Variants in KSR2 observed in about 807,000 individuals in gnomAD.
The protein encoded by KSR2 is kinase suppressor of ras 2.
A neutral mutation model predicts 107.8 loss-of-function variants in KSR2; 25 were observed. The observed-to-expected ratio is 0.23, with a 90% CI of 0.17 to 0.32. The LOEUF (loss-of-function observed/expected upper bound fraction) is 0.32, where lower values mean the gene tolerates loss of function less well. KSR2 is among the 10% of genes least tolerant of loss of function. The pLI is 1.00. For synonymous variants in KSR2, 480 were observed against 507.0 expected (o/e 0.95, Z 0.71); for missense variants, 887 against 1,268.9 (o/e 0.70, Z 4.57).
At chr12:117,949,595 A>G (rs1385911225) in intron 1 of KSR2, among the ~76,000 whole-genome samples, 1 of 152,222 alleles carries the variant, frequency 6.6e-6, no homozygotes, top group Non-Finnish European at 1.5e-5. Context: ...CAGTAGTTAC[A>G]CAAATGTATA....
chr12:117,505,081 T>C (rs1262874117), intron 14 of KSR2, among the ~76,000 whole-genome samples: 2 of 152,190 alleles, frequency 1.3e-5, no homozygotes, highest in Non-Finnish European at 2.9e-5. Flanking sequence ...AAAGACATGA[T>C]TTAGTTCATT....
At chr12:117,665,278 CA>C (rs1474756776) in intron 5 of KSR2, among the ~76,000 whole-genome samples, 1 of 152,134 alleles carries the variant, frequency 6.6e-6, no homozygotes, top group Non-Finnish European at 1.5e-5. Context: ...AGGGCGGGAA[CA>C]AAAAGTTAGA....
intron 4 of KSR2, among the ~76,000 whole-genome samples, chr12:117,688,570 T>G (rs1470450543): frequency 6.6e-6 from 1 of 152,208 alleles, no homozygotes; most frequent in Non-Finnish European, 1.5e-5. Flanking sequence ...AGTGTCCAAT[T>G]GGCAGGTTTG....
At chr12:117,895,455 C>T (rs570168163) in intron 1 of KSR2, among the ~76,000 whole-genome samples, 10 of 152,180 alleles carry the variant, frequency 6.6e-5, no homozygotes, top group African/African-American at 2.4e-4. Flanking sequence ...AATAATAAAA[C>T]CAATTCTCAG....
In KSR2 at chr12:117,464,673, C is replaced by T. The variant is rs753079294; in HGVS notation, c.*2526G>A. On this transcript the variant is annotated 3_prime_UTR_variant, in exon 20 of 20. Coordinates refer to ENST00000339824, the MANE Select transcript of KSR2 (RefSeq NM_173598.6). ...ACAGGGTAGGGGCGTCAGGAAGGCA[C>T]TGAAGGCCAGGATCCTGGCCTGGCT... 1 of 152,284 alleles carries T rather than the reference C, an allele frequency of 6.6e-6. No individual in the cohort carries two copies. The highest frequency in any genetic ancestry group is 6.5e-5 in the Admixed American group (1 of 15,282). 9.4% of individuals were successfully genotyped at this position (152,284 alleles called of 1,614,324 possible). A position where few individuals can be genotyped will look rare whatever the true frequency, so the allele number is the denominator to read the frequency against.
At chr12:117,546,155 A>G (rs904353614) in intron 9 of KSR2, among the ~76,000 whole-genome samples, 17 of 152,156 alleles carry the variant, frequency 1.1e-4, no homozygotes, top group Non-Finnish European at 2.2e-4. Flanking sequence ...GCGTAGGTGT[A>G]CTTATGGCAA....
intron 4 of KSR2, among the ~76,000 whole-genome samples, chr12:117,701,543 A>G (rs534549475): frequency 6.6e-6 from 1 of 152,290 alleles, no homozygotes; most frequent in Non-Finnish European, 1.5e-5. Flanking sequence ...AAGAAAAAAA[A>G]GGCTACTGGG....
intron 9 of KSR2, among the ~76,000 whole-genome samples, chr12:117,545,245 A>C (rs1459755314): frequency 6.6e-6 from 1 of 152,170 alleles, no homozygotes; most frequent in African/African-American, 2.4e-5. Flanking sequence ...TATATTAATG[A>C]AGAATATTAG....
At chr12:117,673,560 T>C (rs1164404122) in intron 4 of KSR2, among the ~76,000 whole-genome samples, 2 of 152,032 alleles carry the variant, frequency 1.3e-5, no homozygotes, top group Admixed American at 6.5e-5. Context: ...AGAGAATACA[T>C]GGCTATTTGA....
intron 5 of KSR2, among the ~76,000 whole-genome samples, chr12:117,594,193 AG>A (rs1357983914): frequency 6.6e-6 from 1 of 152,168 alleles, no homozygotes; most frequent in Non-Finnish European, 1.5e-5. Context: ...CACAGAACAA[AG>A]GGCTGCTGAG....
intron 3 of KSR2, among the ~76,000 whole-genome samples, chr12:117,829,605 A>C (rs1891881435): frequency 6.6e-6 from 1 of 152,228 alleles, no homozygotes; most frequent in Non-Finnish European, 1.5e-5. Context: ...GATGAAAAAC[A>C]ACAGAGGGCT....
chr12:117,884,858 G>A (rs1894126197), intron 1 of KSR2, among the ~76,000 whole-genome samples: 1 of 152,050 alleles, frequency 6.6e-6, no homozygotes, highest in Non-Finnish European at 1.5e-5. Context: ...TCTACCATCT[G>A]CTCCGTTCCT....
At chr12:117,559,053 T>TGGAC (rs1877927468) in intron 7 of KSR2, among the ~76,000 whole-genome samples, 4 of 150,358 alleles carry the variant, frequency 2.7e-5, no homozygotes, top group Non-Finnish European at 4.4e-5. Flanking sequence ...GATGGATGGA[T>TGGAC]GGATGGATGG....
chr12:117,483,771 A>G (rs1450714786), intron 16 of KSR2, among the ~76,000 whole-genome samples: 1 of 152,208 alleles, frequency 6.6e-6, no homozygotes, highest in African/African-American at 2.4e-5. Context: ...AATTAATACT[A>G]ATTGCTACAA....
intron 5 of KSR2, among the ~76,000 whole-genome samples, chr12:117,639,155 C>A (rs1033183968): frequency 1.3e-5 from 2 of 152,126 alleles, no homozygotes. Flanking sequence ...AGCTTTGGGG[C>A]ACCTCTTAAA....
chr12:117,759,878 C>G (rs1174509402), intron 4 of KSR2, among the ~76,000 whole-genome samples: 5 of 152,192 alleles, frequency 3.3e-5, no homozygotes, highest in Non-Finnish European at 7.3e-5. Flanking sequence ...GAGGCCAAGG[C>G]GGGCAGATCA....
At chr12:117,735,425 CAAAG>C (rs1344447415) in intron 4 of KSR2, among the ~76,000 whole-genome samples, 1 of 152,132 alleles carries the variant, frequency 6.6e-6, no homozygotes, top group African/African-American at 2.4e-5. Flanking sequence ...ACGATTATCA[CAAAG>C]AAAGATAAAA....
intron 4 of KSR2, among the ~76,000 whole-genome samples, chr12:117,731,105 C>T (rs187245420): frequency 9.4e-5 from 14 of 149,562 alleles, no homozygotes; most frequent in Non-Finnish European, 8.9e-5. Flanking sequence ...ATGTGGGGAG[C>T]GCCTCTGCCC....
At chr12:117,687,246 A>C (rs1188737795) in intron 4 of KSR2, among the ~76,000 whole-genome samples, 1 of 152,196 alleles carries the variant, frequency 6.6e-6, no homozygotes, top group Non-Finnish European at 1.5e-5. Flanking sequence ...CAAGTGAGTC[A>C]GTGTGAGCTC....
Sources: allele counts gnomAD v4.1 joint callset (sites outside exome capture counted in the v4.1 genomes callset), GRCh38; gene constraint gnomAD v4.1.1; transcripts MANE v1.5; gene names NCBI Gene and HGNC (gene_info 2026-07-23, HGNC 2026-07-21).